Variants in PGLYRP2 observed in about 807,000 individuals in gnomAD.
PGLYRP2 encodes the protein N-acetylmuramoyl-L-alanine amidase.
A neutral mutation model predicts 46.2 loss-of-function variants in PGLYRP2; 38 were observed. The observed-to-expected ratio is 0.82, with a 90% CI of 0.64 to 1.08. The LOEUF is 1.08. Ranked by LOEUF, PGLYRP2 falls within the 50% of genes least tolerant of loss-of-function variation. The pLI, the probability that PGLYRP2 is intolerant of heterozygous loss-of-function variation, is 0.00. For missense variants in PGLYRP2, 713 were observed against 755.9 expected (o/e 0.94, Z 0.67); for synonymous variants, 289 against 329.4 (o/e 0.88, Z 1.33).
rs774622566 is a variant in PGLYRP2 at position 15,469,595 on chromosome 19, G to T, written c.1641+37C>A. ...CTCGTGGAGCTTGTGTAGACGGAGG[G>T]GCGGCGGGCCGTGTAGTGCAGGCTG... is the stretch of plus-strand genomic sequence containing the variant. On this transcript the variant is annotated intron_variant, in intron 4 of 4. Transcript: ENST00000340880. The surrounding 1 kb of genome is among the most constrained non-coding windows in gnomAD (Gnocchi z 4.9). 1.9e-6 allele frequency: 3 copies of T among 1,561,130 alleles called. 1 individual carries two copies. The highest frequency in any genetic ancestry group is 2.3e-5 in the South Asian group (2 of 85,924).
At chr19:15,476,729 T>G (rs1970801549) in intron 1 of PGLYRP2, 121 bp from the exon 2 acceptor site, 3 of 813,966 alleles carry the variant, frequency 3.7e-6, no homozygotes, top group Admixed American at 5.8e-5. Flanking sequence ...CCCAACACTA[T>G]CCTTGTGTAG....
chr19:15,471,275 G>C (rs1315522565), intron 3 of PGLYRP2, among the ~76,000 whole-genome samples: 2 of 151,930 alleles, frequency 1.3e-5, no homozygotes, highest in African/African-American at 4.8e-5. Context: ...ATCACGCCTG[G>C]CTAATTTTTT....
intron 3 of PGLYRP2, among the ~76,000 whole-genome samples, chr19:15,470,307 TC>T (rs202183100): frequency 1.8e-4 from 24 of 134,254 alleles, no homozygotes; most frequent in African/African-American, 3.6e-4. Flanking sequence ...TTTCTTTCTT[TC>T]TTTTTTTGAT....
chr19:15,469,560 G>A lies in PGLYRP2; in HGVS notation c.1641+72C>T, dbSNP rs114882295. On this transcript the variant is annotated intron_variant, in intron 4 of 4. Coordinates refer to ENST00000340880, the MANE Select transcript of PGLYRP2 (RefSeq NM_052890.4). The surrounding 1 kb of genome is among the most constrained non-coding windows in gnomAD (Gnocchi z 4.9). ...TGCGGGCACAGCTGTTACAGGCAGG[G>A]GGCAGGGGCCTCGTGGAGCTTGTGT... 5.2e-4 allele frequency: 790 copies of A among 1,533,644 alleles called. 3 individuals are homozygous for A. The African/African-American group carries it at 9.5e-3, about 18-fold the overall frequency.
chr19:15,471,798 G>T, intron 3 of PGLYRP2, 92 bp downstream of exon 3: 2 of 1,413,010 alleles, frequency 1.4e-6, no homozygotes, highest in Non-Finnish European at 1.9e-6. Context: ...CTTTCCTCGG[G>T]TTCAAGCCCG....
Position 15,468,698 on chromosome 19 carries a change from G to T in PGLYRP2, c.1696C>A (p.Pro566Thr). The T allele has an allele frequency of 6.2e-7, 1 of 1,613,328 alleles. No homozygotes were observed. The highest frequency in any genetic ancestry group is 8.5e-7 in the Non-Finnish European group (1 of 1,179,624). The change falls in exon 5 of 5, where the codon CCC (proline) becomes ACC (threonine). Residue 566 changes from proline to threonine, a missense_variant. Coordinates refer to ENST00000340880, the MANE Select transcript of PGLYRP2 (RefSeq NM_052890.4). ...SVSKRSRREP[P>T]PRTLPATDLQ The stretch of plus-strand genomic sequence containing the variant: ...TCTGTGGCTGGCAGGGTCCTTGGGG[G>T]TGGCTCCCTCCTGGATCTCTTAGAG...
At chr19:15,472,156 C>A in intron 2 of PGLYRP2, 56 bp from the exon 3 acceptor site, 1 of 1,440,394 alleles carries the variant, frequency 6.9e-7, no homozygotes, top group Non-Finnish European at 9.5e-7. Context: ...GCCTGTTCCT[C>A]CACCCGCATT....
In PGLYRP2 at chr19:15,469,474, G is replaced by T; in HGVS notation, c.1641+158C>A. The T allele has an allele frequency of 9.7e-7, 1 of 1,028,594 alleles. No homozygotes were observed. The highest frequency in any genetic ancestry group is 1.5e-6 in the Non-Finnish European group (1 of 682,016). The allele number at this position is 1,028,594 out of a possible 1,614,324, so 63.7% of individuals were successfully genotyped here. A position where few individuals can be genotyped will look rare whatever the true frequency, so the allele number is the denominator to read the frequency against. Reference sequence around the variant, plus strand: ...GTTGCCCGCAGAGTGACCCGCAAAGGCTGGGCCTAGGTTTCCTGAATAGAC... The same window carrying T: ...GTTGCCCGCAGAGTGACCCGCAAAGTCTGGGCCTAGGTTTCCTGAATAGAC... On this transcript the variant is annotated intron_variant, in intron 4 of 4. Coordinates refer to ENST00000340880, the MANE Select transcript of PGLYRP2 (RefSeq NM_052890.4). The surrounding 1 kb of genome is among the most constrained non-coding windows in gnomAD (Gnocchi z 4.9).
intron 3 of PGLYRP2, among the ~76,000 whole-genome samples, 186 bp from the exon 4 acceptor site, chr19:15,470,115 G>A (rs1298965583): frequency 6.6e-6 from 1 of 152,154 alleles, no homozygotes; most frequent in East Asian, 1.9e-4. Flanking sequence ...GGACCGTTCG[G>A]TTTCTCTGGA....
Position 15,475,893 on chromosome 19 carries a change from C to T in PGLYRP2, c.777G>A (p.Thr259=), listed in dbSNP as rs767287939. 27 of 1,613,936 alleles carry T rather than the reference C, an allele frequency of 1.7e-5. No homozygotes were observed. Among genetic ancestry groups the T allele is most frequent in the East Asian group, 8.9e-5 (4 of 44,874 alleles). The change falls in exon 2 of 5, where the codon ACG becomes ACA. Residue 259 remains threonine, a synonymous_variant. Transcript: ENST00000340880. ...WDQLSAPRTF[T]LLDPKASLLT... is the part of the protein sequence containing the mutation. Reference sequence around the variant, plus strand: ...ACAGAGATGCCTTGGGGTCCAAAAGCGTAAAGGTCCGAGGGGCAGAGAGCT... The same window carrying T: ...ACAGAGATGCCTTGGGGTCCAAAAGTGTAAAGGTCCGAGGGGCAGAGAGCT...
rs1202513074 is a variant in PGLYRP2 at position 15,469,208 on chromosome 19, G to T, written c.1641+424C>A. The T allele has an allele frequency of 1.0e-5, 6 of 595,808 alleles. 1 individual carries two copies. The Admixed American group carries it at 1.5e-4, about 15-fold the overall frequency. 36.9% of individuals were successfully genotyped at this position (595,808 alleles called of 1,614,324 possible). A position where few individuals can be genotyped will look rare whatever the true frequency, so the allele number is the denominator to read the frequency against. ...GTGGACAGAGGGCCTTCGGGTAGGG[G>T]CAGGGGTGAGGTCAAGGTTCGGCGG... On this transcript the variant is annotated intron_variant, in intron 4 of 4. Transcript: ENST00000340880. This position sits in a 1 kb window ranked among gnomAD's most constrained non-coding sequence, Gnocchi z 4.9.
Position 15,469,679 on chromosome 19 carries a change from CG to C in PGLYRP2, c.1593del (p.Gly532AlafsTer?). ...CGCAGCAGGTCGAAGAGCGCGTCGCCGGGGCAGTCGGTGCGCACCAGCTGGC... is the reference window on the plus strand; with the variant it reads ...CGCAGCAGGTCGAAGAGCGCGTCGCCGGGCAGTCGGTGCGCACCAGCTGGC... ...GHRQLVRTDC[P>X]GDALFDLLRT... On this transcript the variant is annotated frameshift_variant, in exon 4 of 5. Transcript: ENST00000340880. LOFTEE classifies it low-confidence loss of function (END_TRUNC). This position sits in a 1 kb window ranked among gnomAD's most constrained non-coding sequence, Gnocchi z 4.9. The C allele has an allele frequency of 6.5e-7, 1 of 1,537,164 alleles. No individual in the cohort carries two copies. Among genetic ancestry groups the C allele is most frequent in the South Asian group, 1.2e-5 (1 of 81,256 alleles).
chr19:15,476,583 A>T lies in PGLYRP2; in HGVS notation c.87T>A (p.Ser29=). 1.2e-6 allele frequency: 2 copies of T among 1,608,528 alleles called. No homozygotes were observed. Among genetic ancestry groups the T allele is most frequent in the Non-Finnish European group, 1.7e-6 (2 of 1,177,446 alleles). The change falls in exon 2 of 5, where the codon TCT becomes TCA. Residue 29 remains serine (S), a synonymous_variant. Transcript: ENST00000340880. ...GTASLPLLMD[S]VIQALAELEQ... Reference sequence around the variant, plus strand: ...CCAGCTCAGCCAGGGCCTGGATGACAGAGTCCATGAGCAGGGGCAGGGAGG... The same window carrying T: ...CCAGCTCAGCCAGGGCCTGGATGACTGAGTCCATGAGCAGGGGCAGGGAGG...
chr19:15,478,681 AGT>A (rs1970819616), intron 1 of PGLYRP2, among the ~76,000 whole-genome samples: 2 of 140,610 alleles, frequency 1.4e-5, no homozygotes. Flanking sequence ...TCCAGGCTGG[AGT>A]GCAGTAGTGC....
intron 4 of PGLYRP2, chr19:15,468,961 A>G: frequency 1.9e-6 from 1 of 515,656 alleles, no homozygotes; most frequent in East Asian, 3.2e-5. Flanking sequence ...GAGATTGTCC[A>G]GGTGTGATTC....
Position 15,479,455 on chromosome 19 carries a change from G to A in PGLYRP2, c.-84C>T, listed in dbSNP as rs1192258762. On this transcript the variant is annotated 5_prime_UTR_variant, in exon 1 of 5. Transcript: ENST00000340880. Reference sequence around the variant, plus strand: ...GCAGTGCTGGAGGGAGACAGGCACAGAGAACTGAGCAGAGCCTTTGACCAC... The same window carrying A: ...GCAGTGCTGGAGGGAGACAGGCACAAAGAACTGAGCAGAGCCTTTGACCAC... 1.5e-6 allele frequency: 2 copies of A among 1,342,396 alleles called. No homozygotes were observed. Among genetic ancestry groups the A allele is most frequent in the Non-Finnish European group, 2.1e-6 (2 of 950,932 alleles). The allele number at this position is 1,342,396 out of a possible 1,614,324, so 83.2% of individuals were successfully genotyped here. A position where few individuals can be genotyped will look rare whatever the true frequency, so the allele number is the denominator to read the frequency against.
Position 15,469,270 on chromosome 19 carries a change from T to G in PGLYRP2, c.1641+362A>C. On this transcript the variant is annotated intron_variant, in intron 4 of 4. Transcript: ENST00000340880. This position sits in a 1 kb window ranked among gnomAD's most constrained non-coding sequence, Gnocchi z 4.9. The stretch of plus-strand genomic sequence containing the variant: ...GTGGTGCAGCCTGACAGGTTGTGAC[T>G]TGGGTAGAGAAGTCATGAAGGCCAG... The G allele has an allele frequency of 1.7e-6, 1 of 604,638 alleles. No homozygotes were observed. Among genetic ancestry groups the G allele is most frequent in the Non-Finnish European group, 3.0e-6 (1 of 336,878 alleles). 37.5% of individuals were successfully genotyped at this position (604,638 alleles called of 1,614,324 possible). A position where few individuals can be genotyped will look rare whatever the true frequency, so the allele number is the denominator to read the frequency against.
In PGLYRP2 at chr19:15,475,958, G is replaced by C; in HGVS notation, c.712C>G (p.Gln238Glu). The change falls in exon 2 of 5, where the codon CAG becomes GAG. Residue 238 changes from glutamine (Q) to glutamate (E), a missense_variant. Transcript: ENST00000340880. The part of the protein sequence containing the change: ...GLTFLRGSQT[Q>E]SHPDLGTEGC... ...TCAGTTCCCAGGTCTGGATGGCTCT[G>C]GGTCTGGGAACCTCGGAGGAAGGTC... 1 of 1,614,176 alleles carries C rather than the reference G, an allele frequency of 6.2e-7. No homozygotes were observed. Among genetic ancestry groups the C allele is most frequent in the Non-Finnish European group, 8.5e-7 (1 of 1,180,040 alleles).
intron 2 of PGLYRP2, 107 bp downstream of exon 2, chr19:15,475,431 T>G: frequency 8.8e-7 from 1 of 1,134,746 alleles, no homozygotes; most frequent in Non-Finnish European, 1.3e-6. Context: ...CCAGATCCCT[T>G]ATTGCCCCCT....
Sources: gnomAD v4.1 joint callset for allele counts (sites outside exome capture counted in the v4.1 genomes callset) on GRCh38, gnomAD v4.1.1 for gene constraint, Gnocchi (gnomAD v3.1) non-coding constraint, MANE v1.5 for transcripts, NCBI Gene and HGNC (gene_info 2026-07-23, HGNC 2026-07-21) for gene names.